ATRNL1: variants seen among roughly 807,000 people sequenced by gnomAD.
ATRNL1 encodes attractin-like protein 1.
Under a neutral mutation model 182.7 loss-of-function variants are expected in ATRNL1, and 95 were observed. The ratio of observed to expected loss-of-function variants is 0.52; its 90% confidence interval spans 0.44 to 0.62. The LOEUF is 0.62. ATRNL1 is among the 20% of genes least tolerant of loss of function. The pLI, the probability that ATRNL1 is intolerant of heterozygous loss-of-function variation, is 0.00. For missense variants in ATRNL1, 1,471 were observed against 1,679.5 expected (o/e 0.88, Z 2.17); for synonymous variants, 576 against 568.3 (o/e 1.01, Z -0.19).
intron 27 of ATRNL1, among the ~76,000 whole-genome samples, chr10:115,781,748 T>C (rs1036897947): frequency 2.6e-5 from 4 of 152,230 alleles, no homozygotes; most frequent in Non-Finnish European, 5.9e-5. Context: ...GATGGTTACA[T>C]AGGCCTGTTC....
intron 20 of ATRNL1, among the ~76,000 whole-genome samples, chr10:115,397,989 A>G (rs1844370254): frequency 6.6e-6 from 1 of 151,960 alleles, no homozygotes; most frequent in Non-Finnish European, 1.5e-5. Flanking sequence ...ACTGATAAGA[A>G]GAGATCAGCT....
intron 19 of ATRNL1, among the ~76,000 whole-genome samples, chr10:115,342,980 C>T (rs188808527): frequency 9.9e-5 from 15 of 152,136 alleles, no homozygotes; most frequent in East Asian, 1.9e-4. Context: ...AACAGTCTGC[C>T]GCCAGATGTA....
chr10:115,926,152 A>G (rs1162786581), intron 28 of ATRNL1, among the ~76,000 whole-genome samples: 1 of 152,244 alleles, frequency 6.6e-6, no homozygotes, highest in Non-Finnish European at 1.5e-5. Context: ...CTGCTCCTGA[A>G]TGACTGCTGG....
intron 9 of ATRNL1, among the ~76,000 whole-genome samples, chr10:115,231,143 C>G (rs1849934069): frequency 1.3e-5 from 2 of 151,952 alleles, no homozygotes; most frequent in African/African-American, 4.8e-5. Flanking sequence ...TCTGGACACT[C>G]TAATTTTCTG....
At chr10:115,925,350 A>G (rs1393453924) in intron 28 of ATRNL1, among the ~76,000 whole-genome samples, 11 of 152,172 alleles carry the variant, frequency 7.2e-5, no homozygotes. Context: ...AACTGAATCA[A>G]CTAGTGTGCA....
At chr10:115,910,549 C>T (rs1053767836) in intron 28 of ATRNL1, among the ~76,000 whole-genome samples, 13 of 151,960 alleles carry the variant, frequency 8.6e-5, no homozygotes, top group Non-Finnish European at 1.5e-4. Flanking sequence ...ATTTCCTAGC[C>T]GGCTGCCACA....
intron 24 of ATRNL1, among the ~76,000 whole-genome samples, chr10:115,494,800 C>T (rs890620542): frequency 6.6e-6 from 1 of 152,060 alleles, no homozygotes; most frequent in Non-Finnish European, 1.5e-5. Context: ...CCTGAAGTTT[C>T]CTTTTTTCAT....
chr10:115,591,198 G>A (rs1855881929), intron 26 of ATRNL1, among the ~76,000 whole-genome samples: 3 of 152,086 alleles, frequency 2.0e-5, no homozygotes, highest in Admixed American at 2.0e-4. Flanking sequence ...TGAGATCTCT[G>A]GTTTGGAGAT....
intron 8 of ATRNL1, among the ~76,000 whole-genome samples, chr10:115,185,692 G>A (rs1400560025): frequency 6.6e-6 from 1 of 151,926 alleles, no homozygotes; most frequent in Non-Finnish European, 1.5e-5. Flanking sequence ...GTGGGGGTGG[G>A]TATGAAATTT....
chr10:115,528,023 TTCCCTC>T (rs1851341016), intron 25 of ATRNL1, among the ~76,000 whole-genome samples: 3 of 50,674 alleles, frequency 5.9e-5, no homozygotes, highest in African/African-American at 2.5e-4. Context: ...CCTTCCTTCC[TTCCCTC>T]CTTCCTTTCT....
chr10:115,787,995 C>A (rs1282132092), intron 27 of ATRNL1, among the ~76,000 whole-genome samples: 1 of 152,132 alleles, frequency 6.6e-6, no homozygotes, highest in Non-Finnish European at 1.5e-5. Context: ...GTGAGAAAAT[C>A]CATTTCTGTT....
intron 26 of ATRNL1, among the ~76,000 whole-genome samples, chr10:115,715,067 A>G (rs1346337575): frequency 6.6e-6 from 1 of 152,170 alleles, no homozygotes; most frequent in South Asian, 2.1e-4. Context: ...GAGCCAAGAA[A>G]TCTGTCTGGT....
intron 27 of ATRNL1, among the ~76,000 whole-genome samples, chr10:115,844,375 C>T (rs1950881442): frequency 6.6e-6 from 1 of 152,008 alleles, no homozygotes; most frequent in African/African-American, 2.4e-5. Context: ...GTTTTCCAAA[C>T]GTGCAGTGAT....
At chr10:115,559,617 C>G (rs1445529822) in intron 26 of ATRNL1, among the ~76,000 whole-genome samples, 1 of 152,104 alleles carries the variant, frequency 6.6e-6, no homozygotes, top group Non-Finnish European at 1.5e-5. Context: ...TTCTAAATAC[C>G]ATTCACCAAT....
intron 28 of ATRNL1, among the ~76,000 whole-genome samples, chr10:115,927,753 T>C (rs543829899): frequency 4.9e-4 from 74 of 152,204 alleles, no homozygotes; most frequent in Non-Finnish European, 1.3e-4. Context: ...AGAGAATCAG[T>C]GCACAGTGTA....
At chr10:115,643,867 T>C (rs1382303618) in intron 26 of ATRNL1, among the ~76,000 whole-genome samples, 1 of 152,084 alleles carries the variant, frequency 6.6e-6, no homozygotes, top group Non-Finnish European at 1.5e-5. Context: ...TGCCTTGCTG[T>C]TGGGAATACA....
chr10:115,457,672 A>G lies in ATRNL1; in HGVS notation c.3323-4269A>G, dbSNP rs921817764. On this transcript the variant is annotated intron_variant, in intron 21 of 28. Coordinates refer to ENST00000355044, the MANE Select transcript of ATRNL1 (RefSeq NM_207303.4). ...TGATTTTATTGAGAAAATGGAAGCA[A>G]TATAAAGGGAGCTTCCAAATGATCC... is the stretch of plus-strand genomic sequence containing the variant. Among the ~76,000 whole-genome samples, 5 of 151,992 alleles carry G rather than the reference A, an allele frequency of 3.3e-5. No homozygotes were observed. In the East Asian group the frequency reaches 9.7e-4, roughly 29 times the overall value.
intron 19 of ATRNL1, among the ~76,000 whole-genome samples, chr10:115,360,104 A>G (rs1856670840): frequency 6.6e-6 from 1 of 151,652 alleles, no homozygotes; most frequent in Admixed American, 6.6e-5. Context: ...GACAAATGGA[A>G]TAATCGTTTA....
At chr10:115,772,630 T>TGTGTGTGTGG (rs2134169782) in intron 27 of ATRNL1, among the ~76,000 whole-genome samples, 1 of 151,650 alleles carries the variant, frequency 6.6e-6, no homozygotes, top group Non-Finnish European at 1.5e-5. Flanking sequence ...TGTGTGTGTG[T>TGTGTGTGTGG]GTATTACACA....
Sources: allele counts gnomAD v4.1 joint callset (sites outside exome capture counted in the v4.1 genomes callset), GRCh38; gene constraint gnomAD v4.1.1; transcripts MANE v1.5; gene names NCBI Gene and HGNC (gene_info 2026-07-23, HGNC 2026-07-21).